Variants in UNC5C observed in about 807,000 individuals in gnomAD.
UNC5C encodes the protein unc-5 netrin receptor C.
UNC5C carries 47 observed loss-of-function variants against 99.8 expected under a neutral mutation model. The ratio of observed to expected loss-of-function variants is 0.47; its 90% CI spans 0.37 to 0.60. The LOEUF (loss-of-function observed/expected upper bound fraction) is 0.60, where lower values mean the gene tolerates loss of function less well. Ranked by LOEUF, UNC5C falls within the 20% of genes least tolerant of loss-of-function variation. The pLI is 0.00. For synonymous variants in UNC5C, 487 were observed against 452.2 expected, an observed-to-expected ratio of 1.08 and a Z score of -0.98; for missense variants, 1,062 against 1,165.9, an observed-to-expected ratio of 0.91 and a Z score of 1.30.
At chr4:95,424,518 C>CTTTCTTTTTTTTTTTTTT (rs1746411107) in intron 1 of UNC5C, among the ~76,000 whole-genome samples, 13 of 67,958 alleles carry the variant, frequency 1.9e-4, no homozygotes, top group Non-Finnish European at 2.1e-4. Flanking sequence ...TTTTTCTTTT[C>CTTTCTTTTTTTTTTTTTT]TTTTTTTTTT....
intron 5 of UNC5C, 131 bp downstream of exon 5, chr4:95,250,356 G>A (rs1246523274): frequency 2.1e-6 from 2 of 975,034 alleles, no homozygotes; most frequent in Non-Finnish European, 3.0e-6. Flanking sequence ...TTGCACGCCA[G>A]CCTGGGTGAC....
chr4:95,182,867 C>T (rs899538318), intron 14 of UNC5C, 30 bp downstream of exon 14: 1 of 1,595,750 alleles, frequency 6.3e-7, no homozygotes, highest in Non-Finnish European at 8.6e-7. Context: ...CGCACTCTCC[C>T]CTGATTTCAG....
chr4:95,239,166 T>C (rs1333512203), intron 7 of UNC5C, among the ~76,000 whole-genome samples: 1 of 152,200 alleles, frequency 6.6e-6, no homozygotes, highest in Admixed American at 6.5e-5. Context: ...AACTTAGTTA[T>C]GAAAGGAAAC....
intron 1 of UNC5C, among the ~76,000 whole-genome samples, chr4:95,499,612 C>T (rs560946076): frequency 1.6e-4 from 25 of 151,922 alleles, no homozygotes; most frequent in Non-Finnish European, 3.1e-4. Context: ...ACTGATCTGG[C>T]GAGAGAAGTG....
chr4:95,177,401 C>T (rs1312092938), intron 14 of UNC5C, among the ~76,000 whole-genome samples: 1 of 101,848 alleles, frequency 9.8e-6, no homozygotes, highest in East Asian at 2.3e-4. Context: ...ACCATCATCA[C>T]CCAGAGCGCC....
intron 1 of UNC5C, among the ~76,000 whole-genome samples, chr4:95,342,708 G>T (rs1213463066): frequency 6.6e-6 from 1 of 151,978 alleles, no homozygotes; most frequent in Admixed American, 6.6e-5. Context: ...GTGGGACAGA[G>T]CACCACATGA....
At chr4:95,297,675 A>G (rs1203365244) in intron 3 of UNC5C, among the ~76,000 whole-genome samples, 2 of 152,198 alleles carry the variant, frequency 1.3e-5, no homozygotes, top group African/African-American at 4.8e-5. Flanking sequence ...TGGCTTCACT[A>G]AAGACATTTG....
In UNC5C at chr4:95,534,555, A is replaced by C. The variant is rs78375412; in HGVS notation, c.124+14179T>G. ...AAAGTTGTTACTTAAGCAACAGTAC[A>C]CTTTCATTTTACAAATACACACTAG... On this transcript the variant is annotated intron_variant, in intron 1 of 15. Coordinates refer to ENST00000453304, the MANE Select transcript of UNC5C (RefSeq NM_003728.4). Among the ~76,000 whole-genome samples the C allele has an allele frequency of 1.8e-3, 268 of 152,246 alleles. 5 individuals carry two copies. The East Asian group carries it at 0.045, about 25-fold the overall frequency.
At position 95,169,030 on chromosome 4, in the gene UNC5C, A is replaced by ATTT; in HGVS notation, c.*201_*203dup. Reference sequence around the variant, plus strand: ...TAAATTCAAGGTACAAATTTACACAATTTTTCTTAACTCCCGTGATGATGT... The same window carrying ATTT: ...TAAATTCAAGGTACAAATTTACACAATTTTTTTTCTTAACTCCCGTGATGATGT... On this transcript the variant is annotated 3_prime_UTR_variant, in exon 16 of 16. Coordinates refer to ENST00000453304, the MANE Select transcript of UNC5C (RefSeq NM_003728.4). The ATTT allele has an allele frequency of 1.7e-6, 1 of 591,812 alleles. No individual in the cohort carries two copies. The highest frequency in any genetic ancestry group is 2.9e-6 in the Non-Finnish European group (1 of 347,742). 36.7% of individuals were successfully genotyped at this position (591,812 alleles called of 1,614,324 possible).
chr4:95,510,456 A>AT (rs1186001341), intron 1 of UNC5C, among the ~76,000 whole-genome samples: 1 of 151,946 alleles, frequency 6.6e-6, no homozygotes, highest in Admixed American at 6.6e-5. Flanking sequence ...ATTCAAAACT[A>AT]TTTTTTCAGT....
intron 3 of UNC5C, among the ~76,000 whole-genome samples, chr4:95,287,068 C>A (rs1364317421): frequency 2.6e-5 from 4 of 152,188 alleles, no homozygotes; most frequent in Non-Finnish European, 5.9e-5. Flanking sequence ...GCCTCTCTCT[C>A]ACCTCAAGAG....
intron 14 of UNC5C, among the ~76,000 whole-genome samples, chr4:95,172,574 G>C (rs1282329563): frequency 6.6e-6 from 1 of 151,598 alleles, no homozygotes; most frequent in African/African-American, 2.4e-5. Flanking sequence ...ATTTCTGAGG[G>C]CTCTGTTCTG....
chr4:95,317,901 T>C (rs1742539016), intron 2 of UNC5C, among the ~76,000 whole-genome samples: 1 of 152,124 alleles, frequency 6.6e-6, no homozygotes, highest in Non-Finnish European at 1.5e-5. Context: ...TGATTTTTTT[T>C]CTTGACAAAT....
chr4:95,171,422 G>C (rs1736102801), intron 14 of UNC5C, among the ~76,000 whole-genome samples: 1 of 142,778 alleles, frequency 7.0e-6, no homozygotes, highest in Non-Finnish European at 1.5e-5. Flanking sequence ...CCCAGAGTGT[G>C]ATGTTCCCCT....
At chr4:95,328,898 C>T (rs1302078978) in intron 2 of UNC5C, among the ~76,000 whole-genome samples, 1 of 152,122 alleles carries the variant, frequency 6.6e-6, no homozygotes, top group Non-Finnish European at 1.5e-5. Flanking sequence ...TGCTGGAGCC[C>T]AAAGGCACTC....
intron 1 of UNC5C, among the ~76,000 whole-genome samples, chr4:95,456,400 TAGAC>T (rs1747428887): frequency 6.6e-6 from 1 of 152,096 alleles, no homozygotes; most frequent in African/African-American, 2.4e-5. Flanking sequence ...GTGATGGAAA[TAGAC>T]TAACTTGCTT....
At chr4:95,458,987 C>T (rs765812564) in intron 1 of UNC5C, among the ~76,000 whole-genome samples, 28 of 152,008 alleles carry the variant, frequency 1.8e-4, no homozygotes, top group Non-Finnish European at 1.9e-4. Flanking sequence ...TCTAGTTACT[C>T]TTATCTTGAA....
intron 1 of UNC5C, among the ~76,000 whole-genome samples, chr4:95,535,833 T>C (rs1345063556): frequency 1.3e-5 from 2 of 151,814 alleles, no homozygotes; most frequent in Non-Finnish European, 2.9e-5. Context: ...TACATACAAA[T>C]ATATGCACAC....
At chr4:95,429,435 A>C (rs1354837526) in intron 1 of UNC5C, among the ~76,000 whole-genome samples, 2 of 152,002 alleles carry the variant, frequency 1.3e-5, no homozygotes, top group Non-Finnish European at 2.9e-5. Flanking sequence ...CTTGCTCAGA[A>C]CTTGATCCAG....
Sources: allele counts gnomAD v4.1 joint callset (sites outside exome capture counted in the v4.1 genomes callset), GRCh38; gene constraint gnomAD v4.1.1; transcripts MANE v1.5; gene names NCBI Gene and HGNC (gene_info 2026-07-23, HGNC 2026-07-21).